The following TMEM200A variants were observed in gnomAD, a reference collection of about 807,000 sequenced individuals.
TMEM200A encodes the protein transmembrane protein 200A.
A neutral mutation model predicts 24.3 loss-of-function variants in TMEM200A; 12 were observed. That is an observed-to-expected ratio of 0.49 (90% CI 0.32 to 0.80). The LOEUF is 0.80. TMEM200A is among the 30% of genes least tolerant of loss of function. The pLI is 0.04. For synonymous variants in TMEM200A, 224 were observed against 224.4 expected, an observed-to-expected ratio of 1.00 and a Z score of 0.02; for missense variants, 545 against 614.4, an observed-to-expected ratio of 0.89 and a Z score of 1.19.
chr6:130,425,061 A>T (rs1221509739), intron 2 of TMEM200A, among the ~76,000 whole-genome samples: 1 of 151,972 alleles, frequency 6.6e-6, no homozygotes, highest in Admixed American at 6.6e-5. Flanking sequence ...CCCCATGAAT[A>T]CTGCCATCCT....
chr6:130,385,939 A>G (rs1407838572), intron 2 of TMEM200A, among the ~76,000 whole-genome samples: 2 of 152,208 alleles, frequency 1.3e-5, no homozygotes, highest in African/African-American at 4.8e-5. Flanking sequence ...ATGTTTCTGA[A>G]ATAATGTTGA....
chr6:130,373,658 T>A (rs1397187608), intron 1 of TMEM200A, among the ~76,000 whole-genome samples: 5 of 152,196 alleles, frequency 3.3e-5, no homozygotes, highest in Non-Finnish European at 7.4e-5. Context: ...AATTTCAGAA[T>A]CTGTTTTTTG....
intron 2 of TMEM200A, among the ~76,000 whole-genome samples, chr6:130,423,367 C>T (rs1302615739): frequency 1.3e-5 from 2 of 152,202 alleles, no homozygotes; most frequent in Middle Eastern, 3.4e-3. Context: ...TTTATGTTCA[C>T]TTAACATATT....
intron 2 of TMEM200A, among the ~76,000 whole-genome samples, chr6:130,399,932 A>T (rs899681812): frequency 6.6e-6 from 1 of 151,882 alleles, no homozygotes; most frequent in Non-Finnish European, 1.5e-5. Context: ...GAGAACATAC[A>T]ATGTTTGGTT....
Position 130,366,357 on chromosome 6 carries a change from G to T in TMEM200A, c.-248G>T. The stretch of plus-strand genomic sequence containing the variant: ...CCGCCCGAGCCCTGGGATGGGGAGG[G>T]AGACCGCGGCTGCCCGCGGCGGCCG... On this transcript the variant is annotated 5_prime_UTR_variant, in exon 1 of 3. An upstream open reading frame in the 5' UTR gains an earlier in-frame stop. Transcript: ENST00000296978. The surrounding 1 kb of genome is among the most constrained non-coding windows in gnomAD (Gnocchi z 4.4). The T allele has an allele frequency of 1.0e-6, 1 of 985,306 alleles. No homozygotes were observed. Among genetic ancestry groups the T allele is most frequent in the Non-Finnish European group, 1.2e-6 (1 of 829,904 alleles). 61.0% of individuals were successfully genotyped at this position (985,306 alleles called of 1,614,324 possible). A position where few individuals can be genotyped will look rare whatever the true frequency, so the allele number is the denominator to read the frequency against.
intron 2 of TMEM200A, among the ~76,000 whole-genome samples, chr6:130,400,585 A>G (rs1553993): frequency 0.49 from 73,633 of 151,196 alleles, 22,023 homozygotes; most frequent in African/African-American, 0.85. Flanking sequence ...CCTGAGTTAC[A>G]GTTGTTTCAA....
intron 2 of TMEM200A, among the ~76,000 whole-genome samples, chr6:130,395,021 A>C (rs1778916510): frequency 6.6e-6 from 1 of 152,148 alleles, no homozygotes; most frequent in Non-Finnish European, 1.5e-5. Context: ...TCGGTATCCT[A>C]GTCTTCTTTC....
chr6:130,367,667 T>G (rs1778216113), intron 1 of TMEM200A, among the ~76,000 whole-genome samples: 1 of 152,222 alleles, frequency 6.6e-6, no homozygotes, highest in Non-Finnish European at 1.5e-5. Context: ...AGTATGTAGT[T>G]GTAGTTTCAT....
At chr6:130,421,237 A>G (rs1440312488) in intron 2 of TMEM200A, 2 of 152,156 alleles carry the variant, frequency 1.3e-5, no homozygotes, top group Non-Finnish European at 2.9e-5. Flanking sequence ...CGACAAGCTC[A>G]CAGGTTATAC....
At chr6:130,410,260 C>G (rs1235838015) in intron 2 of TMEM200A, among the ~76,000 whole-genome samples, 1 of 152,152 alleles carries the variant, frequency 6.6e-6, no homozygotes, top group East Asian at 1.9e-4. Context: ...GGCTTCACTG[C>G]TTTGCTCTCA....
chr6:130,425,237 T>TAAGA, intron 2 of TMEM200A, among the ~76,000 whole-genome samples: 1 of 152,250 alleles, frequency 6.6e-6, no homozygotes, highest in Non-Finnish European at 1.5e-5. Context: ...TCACAAGAGT[T>TAAGA]TAAAAGTCAT....
chr6:130,430,489 A>G (rs929052287), intron 2 of TMEM200A, among the ~76,000 whole-genome samples: 1 of 152,192 alleles, frequency 6.6e-6, no homozygotes, highest in African/African-American at 2.4e-5. Context: ...TCTTGCTGCC[A>G]CTAACCTGCA....
At chr6:130,430,005 T>C (rs146036073) in intron 2 of TMEM200A, among the ~76,000 whole-genome samples, 2 of 152,332 alleles carry the variant, frequency 1.3e-5, no homozygotes, top group Non-Finnish European at 2.9e-5. Context: ...CGACTCCCTC[T>C]TCATTTTGTA....
At chr6:130,423,103 T>A (rs1181323949) in intron 2 of TMEM200A, among the ~76,000 whole-genome samples, 1 of 152,182 alleles carries the variant, frequency 6.6e-6, no homozygotes, top group Non-Finnish European at 1.5e-5. Context: ...TCTGGGGTAA[T>A]ACTTAATAGA....
At position 130,435,296 on chromosome 6, in the gene TMEM200A, T is replaced by C. The variant is rs573006675; in HGVS notation, c.-16-5111T>C. Among the ~76,000 whole-genome samples, 30 of 152,298 alleles carry C rather than the reference T, an allele frequency of 2.0e-4. No individual in the cohort carries two copies. In the South Asian group the frequency reaches 5.0e-3, roughly 25 times the overall value. The stretch of plus-strand genomic sequence containing the variant: ...CCATCGCACCCAGCCCATATTTGTC[T>C]TTTAACTTGGCCTTTGACAAAATCA... On this transcript the variant is annotated intron_variant, in intron 2 of 2. Transcript: ENST00000296978.
intron 1 of TMEM200A, among the ~76,000 whole-genome samples, chr6:130,383,246 G>A (rs965546141): frequency 6.6e-6 from 1 of 152,096 alleles, no homozygotes; most frequent in African/African-American, 2.4e-5. Context: ...CCCTAGCCTT[G>A]GAATTTTTCT....
At chr6:130,377,869 C>G (rs775725984) in intron 1 of TMEM200A, among the ~76,000 whole-genome samples, 7 of 152,112 alleles carry the variant, frequency 4.6e-5, no homozygotes, top group Admixed American at 6.5e-5. Context: ...AGCCCAGGGA[C>G]TAAGAGCAGT....
chr6:130,382,517 C>T (rs201923231), intron 1 of TMEM200A, among the ~76,000 whole-genome samples: 2 of 152,160 alleles, frequency 1.3e-5, no homozygotes, highest in East Asian at 3.9e-4. Context: ...CCTTCCAGCA[C>T]CTTCAGGGTG....
chr6:130,411,687 G>C (rs1358926421), intron 2 of TMEM200A, among the ~76,000 whole-genome samples: 1 of 152,156 alleles, frequency 6.6e-6, no homozygotes, highest in Non-Finnish European at 1.5e-5. Flanking sequence ...TCCTAAGGTT[G>C]GTTTGTTTGG....
Sources: allele counts gnomAD v4.1 joint callset (sites outside exome capture counted in the v4.1 genomes callset), GRCh38; gene constraint gnomAD v4.1.1; non-coding constraint Gnocchi (gnomAD v3.1); transcripts MANE v1.5; gene names NCBI Gene and HGNC (gene_info 2026-07-23, HGNC 2026-07-21).